PRIMA1: variants seen among roughly 807,000 people sequenced by gnomAD.
The protein encoded by PRIMA1 is proline-rich membrane anchor 1.
A neutral mutation model predicts 17.5 loss-of-function variants in PRIMA1; 7 were observed. That is an observed-to-expected ratio of 0.40 (90% CI 0.23 to 0.75). PRIMA1 has a LOEUF of 0.75. PRIMA1 is among the 30% of genes least tolerant of loss of function. PRIMA1 has a pLI of 0.37. For synonymous variants in PRIMA1, 97 were observed against 77.9 expected (o/e 1.25, Z -1.29); for missense variants, 200 against 201.8 (o/e 0.99, Z 0.05).
In PRIMA1 at chr14:93,787,671, C is replaced by G. The variant is rs1228988213; in HGVS notation, c.48G>C (p.Ser16=). The change falls in exon 2 of 5, where the codon TCG becomes TCC. Residue 16 remains serine (S), a synonymous_variant. Coordinates refer to ENST00000393140, the MANE Select transcript of PRIMA1 (RefSeq NM_178013.4). Reference sequence around the variant, plus strand: ...GGTGGAGCGCGCAGTGCAGCAGCAGCGAGGACCAGCAGCAGCCACGGCGCA... The same window carrying G: ...GGTGGAGCGCGCAGTGCAGCAGCAGGGAGGACCAGCAGCAGCCACGGCGCA... The part of the protein sequence containing the change: ...LVLRRGCCWS[S]LLLHCALHPL... The G allele has an allele frequency of 1.9e-6, 3 of 1,543,960 alleles. No individual in the cohort carries two copies. The highest frequency in any genetic ancestry group is 4.9e-5 in the East Asian group (2 of 40,920).
intron 2 of PRIMA1, among the ~76,000 whole-genome samples, chr14:93,784,736 C>G (rs567403985): frequency 9.2e-5 from 14 of 152,276 alleles, no homozygotes; most frequent in Admixed American, 2.6e-4. Flanking sequence ...AGCTGAAGCA[C>G]CACACCATTG....
At chr14:93,725,255 C>T (rs1032587191) in intron 4 of PRIMA1, among the ~76,000 whole-genome samples, 5 of 150,432 alleles carry the variant, frequency 3.3e-5, no homozygotes, top group African/African-American at 4.8e-5. Flanking sequence ...CAGGAGCATT[C>T]GGGAGCCCGC....
At chr14:93,748,582 T>C (rs1595204652) in intron 3 of PRIMA1, among the ~76,000 whole-genome samples, 1 of 152,050 alleles carries the variant, frequency 6.6e-6, no homozygotes, top group Non-Finnish European at 1.5e-5. Flanking sequence ...GGAGCCTCTC[T>C]GCCCCCCTGG....
chr14:93,788,894 CG>C (rs1439849193), upstream of PRIMA1, among the ~76,000 whole-genome samples: 4 of 152,108 alleles, frequency 2.6e-5, no homozygotes, highest in Admixed American at 6.5e-5. Context: ...TGGCGCCGCG[CG>C]GCTGCCCGGG....
chr14:93,777,345 CT>C (rs200228526), intron 3 of PRIMA1, among the ~76,000 whole-genome samples: 1 of 93,724 alleles, frequency 1.1e-5, no homozygotes, highest in African/African-American at 2.7e-5. Context: ...CCCATTCATT[CT>C]TTTTTTTTGA....
chr14:93,763,770 T>C (rs980484719), intron 3 of PRIMA1, among the ~76,000 whole-genome samples: 1 of 152,100 alleles, frequency 6.6e-6, no homozygotes, highest in African/African-American at 2.4e-5. Context: ...GGTCCTCTGC[T>C]GGCTCAGTCC....
chr14:93,787,478 G>A (rs1054295660), intron 2 of PRIMA1, 148 bp downstream of exon 2: 9 of 1,139,050 alleles, frequency 7.9e-6, no homozygotes, highest in Non-Finnish European at 8.7e-6. Flanking sequence ...GTAGGGTATA[G>A]GGGACCGTAG....
intron 3 of PRIMA1, among the ~76,000 whole-genome samples, chr14:93,776,617 C>G (rs1169734321): frequency 6.6e-6 from 1 of 152,230 alleles, no homozygotes; most frequent in Non-Finnish European, 1.5e-5. Context: ...GTCACTTCCC[C>G]ACTTAACACC....
intron 4 of PRIMA1, among the ~76,000 whole-genome samples, chr14:93,728,837 G>A (rs2076096536): frequency 1.3e-5 from 2 of 152,306 alleles, no homozygotes; most frequent in African/African-American, 2.4e-5. Context: ...AAGGATGCCG[G>A]CAGATGAAGC....
intron 2 of PRIMA1, among the ~76,000 whole-genome samples, chr14:93,781,355 G>C (rs1342913186): frequency 1.3e-5 from 2 of 152,236 alleles, no homozygotes; most frequent in Admixed American, 1.3e-4. Context: ...TGCCCCTCTA[G>C]ATTCTGACCT....
At chr14:93,775,384 T>C (rs1404856813) in intron 3 of PRIMA1, among the ~76,000 whole-genome samples, 2 of 152,238 alleles carry the variant, frequency 1.3e-5, no homozygotes, top group Admixed American at 6.5e-5. Context: ...TGTGCACCTG[T>C]TGAGTGAGAG....
chr14:93,756,480 G>A (rs1336871025), intron 3 of PRIMA1, among the ~76,000 whole-genome samples: 2 of 152,130 alleles, frequency 1.3e-5, no homozygotes, highest in Non-Finnish European at 2.9e-5. Flanking sequence ...GGCTTGCCCG[G>A]GCGTCTTACC....
intron 3 of PRIMA1, among the ~76,000 whole-genome samples, chr14:93,747,387 C>T (rs539809865): frequency 6.6e-5 from 10 of 152,120 alleles, no homozygotes; most frequent in African/African-American, 2.4e-4. Context: ...GGGAGGAAGC[C>T]GGATTCGGGG....
At chr14:93,756,358 C>G (rs959847660) in intron 3 of PRIMA1, among the ~76,000 whole-genome samples, 10 of 152,128 alleles carry the variant, frequency 6.6e-5, no homozygotes, top group African/African-American at 2.2e-4. Context: ...TGATTTTAAT[C>G]TATCATCTCT....
chr14:93,786,501 C>T (rs73349166), intron 2 of PRIMA1, among the ~76,000 whole-genome samples: 1,600 of 152,228 alleles, frequency 0.011, 23 homozygotes, highest in African/African-American at 0.037. Context: ...TCATGGACCT[C>T]GGTAGACTGG....
intron 3 of PRIMA1, among the ~76,000 whole-genome samples, chr14:93,749,267 G>T (rs936837210): frequency 6.6e-6 from 1 of 152,094 alleles, no homozygotes; most frequent in African/African-American, 2.4e-5. Flanking sequence ...GCAACGAGAG[G>T]GGGCCACATG....
intron 4 of PRIMA1, among the ~76,000 whole-genome samples, chr14:93,725,033 C>T (rs1049372190): frequency 1.2e-4 from 18 of 152,134 alleles, no homozygotes; most frequent in Non-Finnish European, 2.1e-4. Context: ...CCTTCGTACT[C>T]GCGGGCCCTG....
At chr14:93,770,154 C>T (rs1054178164) in intron 3 of PRIMA1, among the ~76,000 whole-genome samples, 2 of 152,168 alleles carry the variant, frequency 1.3e-5, no homozygotes, top group East Asian at 3.9e-4. Context: ...CGGGTCCAGC[C>T]CACCACCACC....
chr14:93,752,562 G>A (rs2141173280), intron 3 of PRIMA1, among the ~76,000 whole-genome samples: 1 of 152,294 alleles, frequency 6.6e-6, no homozygotes, highest in Admixed American at 6.5e-5. Flanking sequence ...CCTCCTCAAT[G>A]GGCAGTTGGG....
Sources: gnomAD v4.1 joint callset for allele counts (sites outside exome capture counted in the v4.1 genomes callset) on GRCh38, gnomAD v4.1.1 for gene constraint, MANE v1.5 for transcripts, NCBI Gene and HGNC (gene_info 2026-07-23, HGNC 2026-07-21) for gene names.